Variants in SLC28A3 observed in about 807,000 individuals in gnomAD.
SLC28A3 encodes concentrative Na(+)-nucleoside cotransporter 3.
A neutral mutation model predicts 84.2 loss-of-function variants in SLC28A3; 68 were observed. The observed-to-expected ratio is 0.81, with a 90% CI of 0.66 to 0.99. SLC28A3 has a LOEUF of 0.99. Ranked by LOEUF, SLC28A3 falls within the 50% of genes least tolerant of loss-of-function variation. The pLI is 0.00. For missense variants in SLC28A3, 712 were observed against 841.5 expected (o/e 0.85, Z 1.90); for synonymous variants, 267 against 303.6 (o/e 0.88, Z 1.25).
At chr9:84,326,898 G>A (rs1443873277) in intron 1 of SLC28A3, among the ~76,000 whole-genome samples, 3 of 152,008 alleles carry the variant, frequency 2.0e-5, no homozygotes, top group East Asian at 1.9e-4. Context: ...CCAGCTACTC[G>A]GGAGGCTGAG....
intron 12 of SLC28A3, 95 bp downstream of exon 12, chr9:84,287,953 G>A: frequency 6.7e-7 from 1 of 1,495,062 alleles, no homozygotes; most frequent in Non-Finnish European, 9.2e-7. Flanking sequence ...AATTCACTGT[G>A]CTTTCCGGTT....
intron 14 of SLC28A3, among the ~76,000 whole-genome samples, chr9:84,282,512 G>A (rs1015108178): frequency 6.6e-6 from 1 of 152,216 alleles, no homozygotes; most frequent in Admixed American, 6.5e-5. Flanking sequence ...TGACCACTCC[G>A]TGGGAAAGTT....
intron 9 of SLC28A3, among the ~76,000 whole-genome samples, chr9:84,293,933 G>A (rs985509386): frequency 1.3e-5 from 2 of 152,106 alleles, no homozygotes; most frequent in Non-Finnish European, 2.9e-5. Context: ...CAATTCCTCC[G>A]CTAAAGAAGT....
chr9:84,314,184 G>T (rs1826089219), intron 1 of SLC28A3, among the ~76,000 whole-genome samples: 1 of 152,066 alleles, frequency 6.6e-6, no homozygotes, highest in South Asian at 2.1e-4. Context: ...GCAATCTCTG[G>T]CAGTAATGGT....
At chr9:84,313,966 G>C (rs1826081426) in intron 1 of SLC28A3, among the ~76,000 whole-genome samples, 1 of 152,044 alleles carries the variant, frequency 6.6e-6, no homozygotes, top group Non-Finnish European at 1.5e-5. Context: ...GGGAAGAGAG[G>C]AATGAGGACA....
Position 84,340,597 on chromosome 9 carries a change from C to T in SLC28A3, c.37G>A (p.Gly13Ser). The change falls in exon 1 of 18, where the codon GGC becomes AGC. Residue 13 changes from glycine (G) to serine (S), a missense_variant. By Grantham distance (56) the Gly-to-Ser change is moderately conservative. Coordinates refer to ENST00000376238, the MANE Select transcript of SLC28A3 (RefSeq NM_001199633.2). ...LRSTAAPRAE[G>S]YSNVGFQNEE... The stretch of plus-strand genomic sequence containing the variant: ...ACCTGGAAGCCCACGTTGCTGTAGC[C>T]CTCAGCTCTGGGGGCTGCTGTACTC... The T allele has an allele frequency of 6.2e-7, 1 of 1,614,126 alleles. No individual in the cohort carries two copies. The highest frequency in any genetic ancestry group is 1.1e-5 in the South Asian group (1 of 91,074).
chr9:84,353,295 T>C, the SLC28A3 span, among the ~76,000 whole-genome samples: 115 of 152,368 alleles, frequency 7.5e-4, no homozygotes, highest in African/African-American at 2.7e-3. Flanking sequence ...TTATTTCATA[T>C]ACTGGTGGAA....
In SLC28A3 at chr9:84,302,206, A is replaced by T; in HGVS notation, c.518T>A (p.Leu173Gln). 6.2e-7 allele frequency: 1 copy of T among 1,614,018 alleles called. No individual in the cohort carries two copies. The highest frequency in any genetic ancestry group is 8.5e-7 in the Non-Finnish European group (1 of 1,179,970). ...RRLLNSHWFW[L>Q]KWVIWSSLVL... ...GAGAACCAATTGCATTTACCACTTC[A>T]GCCAGAACCAATGGCTGTTTAGAAG... Residue 173 changes from leucine to glutamine, a missense_variant, in exon 5 of 18, where the codon CTG (leucine) becomes CAG (glutamine). Leu to Gln is a moderately radical substitution (Grantham distance 113). Coordinates refer to ENST00000376238, the MANE Select transcript of SLC28A3 (RefSeq NM_001199633.2).
At chr9:84,285,250 G>T in intron 14 of SLC28A3, 95 bp downstream of exon 14, 1 of 1,223,228 alleles carries the variant, frequency 8.2e-7, no homozygotes, top group Non-Finnish European at 1.2e-6. Flanking sequence ...TATCCCAGGT[G>T]CCTGGCATAG....
At chr9:84,337,561 G>A (rs141270299) in intron 1 of SLC28A3, among the ~76,000 whole-genome samples, 36 of 152,220 alleles carry the variant, frequency 2.4e-4, no homozygotes, top group African/African-American at 8.4e-4. Context: ...ACAAAATCAA[G>A]AGCCAGTTTG....
intron 17 of SLC28A3, 45 bp downstream of exon 17, chr9:84,279,219 TG>T: frequency 2.0e-6 from 3 of 1,480,704 alleles, no homozygotes; most frequent in Non-Finnish European, 2.7e-6. Flanking sequence ...GTGATTTGAT[TG>T]ATTATTAATG....
At chr9:84,318,914 T>C (rs1305873598) in intron 1 of SLC28A3, among the ~76,000 whole-genome samples, 2 of 152,014 alleles carry the variant, frequency 1.3e-5, no homozygotes, top group African/African-American at 2.4e-5. Context: ...ATGAGCTTTC[T>C]TGAAGAAACT....
rs1385220277 is a variant in SLC28A3, at chr9:84,277,803, G to C, written c.*415C>G. ...TTTCAGGTAAGCCAAGGTATATGCA[G>C]AGTGACCTCACCTGAGATGTGCTTA... On this transcript the variant is annotated 3_prime_UTR_variant, in exon 18 of 18. Transcript: ENST00000376238. 1 of 161,564 alleles carries C rather than the reference G, an allele frequency of 6.2e-6. No homozygotes were observed. Among genetic ancestry groups the C allele is most frequent in the African/African-American group, 2.4e-5 (1 of 41,796 alleles). The allele number at this position is 161,564 out of a possible 1,614,324, so 10.0% of individuals were successfully genotyped here.
At chr9:84,352,892 C>CAAAAA in the SLC28A3 span, among the ~76,000 whole-genome samples, 19 of 72,818 alleles carry the variant, frequency 2.6e-4, no homozygotes, top group East Asian at 1.7e-3. Flanking sequence ...GATTCTGTCT[C>CAAAAA]AAAAAAAAAA....
At chr9:84,355,532 TAAA>T in the SLC28A3 span, among the ~76,000 whole-genome samples, 2 of 152,194 alleles carry the variant, frequency 1.3e-5, no homozygotes, top group African/African-American at 4.8e-5. Context: ...TGTGGGGTGA[TAAA>T]AAGTACATAT....
At chr9:84,322,626 T>C (rs1361129814) in intron 1 of SLC28A3, among the ~76,000 whole-genome samples, 2 of 151,930 alleles carry the variant, frequency 1.3e-5, no homozygotes, top group South Asian at 2.1e-4. Context: ...GGGAGGATCA[T>C]TTGAGGTCAG....
At chr9:84,340,810 G>T, upstream of SLC28A3, 1 of 603,770 alleles carries the variant, frequency 1.7e-6, no homozygotes, top group Non-Finnish European at 2.9e-6. Flanking sequence ...CCTGGTTGGG[G>T]TGGGGCAGAG....
chr9:84,314,086 A>G (rs573564971), intron 1 of SLC28A3, among the ~76,000 whole-genome samples: 1 of 152,288 alleles, frequency 6.6e-6, no homozygotes, highest in East Asian at 1.9e-4. Flanking sequence ...TATAAAATGA[A>G]CTAAAACGTG....
In SLC28A3 at chr9:84,285,504, C is replaced by G; in HGVS notation, c.1488G>C (p.Met496Ile). 6.2e-7 allele frequency: 1 copy of G among 1,614,174 alleles called. No individual in the cohort carries two copies. The highest frequency in any genetic ancestry group is 8.5e-7 in the Non-Finnish European group (1 of 1,180,026). ...CSYIFMPFSF[M>I]MGVEWQDSFM... ...AGCTGTCCTGCCATTCCACTCCCAT[C>G]ATGAAGGAAAAGGGCATGAAGATGT... The change falls in exon 14 of 18, where the codon ATG (methionine) becomes ATC (isoleucine). Residue 496 changes from methionine (M) to isoleucine (I), a missense_variant. Coordinates refer to ENST00000376238, the MANE Select transcript of SLC28A3 (RefSeq NM_001199633.2).
Sources: gnomAD v4.1 joint callset for allele counts (sites outside exome capture counted in the v4.1 genomes callset) on GRCh38, gnomAD v4.1.1 for gene constraint, MANE v1.5 for transcripts, NCBI Gene and HGNC (gene_info 2026-07-23, HGNC 2026-07-21) for gene names.